Variants in PSMG4 observed in about 807,000 individuals in gnomAD.
PSMG4 encodes the protein proteasome (prosome, macropain) assembly chaperone 4.
Under a neutral mutation model 11.0 loss-of-function variants are expected in PSMG4, and 10 were observed. The observed-to-expected ratio is 0.91, with a 90% CI of 0.56 to 1.54. The LOEUF (loss-of-function observed/expected upper bound fraction) is 1.54, where lower values mean the gene tolerates loss of function less well. PSMG4 is among the 40% of genes most tolerant of loss of function. The pLI is 0.00. For missense variants in PSMG4, 198 were observed against 160.9 expected (o/e 1.23, Z -1.25); for synonymous variants, 95 against 71.3 (o/e 1.33, Z -1.68).
chr6:3,262,653 A>G (rs976988136), intron 1 of PSMG4, among the ~76,000 whole-genome samples: 1 of 152,170 alleles, frequency 6.6e-6, no homozygotes, highest in African/African-American at 2.4e-5. Flanking sequence ...TTGGGGTGGC[A>G]GGGGAACCAA....
intron 2 of PSMG4, chr6:3,264,485 A>G: frequency 7.5e-7 from 1 of 1,326,516 alleles, no homozygotes; most frequent in South Asian, 1.5e-5. Context: ...GGTACCTGAC[A>G]AGCAGGAACC....
chr6:3,260,127 G>C (rs950893576), intron 1 of PSMG4, among the ~76,000 whole-genome samples: 1 of 151,660 alleles, frequency 6.6e-6, no homozygotes, highest in South Asian at 2.1e-4. Context: ...TTGTAGAGAT[G>C]GGGGTCTCAC....
At chr6:3,261,264 C>T (rs1039617056) in intron 1 of PSMG4, among the ~76,000 whole-genome samples, 2 of 152,056 alleles carry the variant, frequency 1.3e-5, no homozygotes, top group African/African-American at 4.8e-5. Flanking sequence ...CTGGAGGGTC[C>T]TGGCAGTGGA....
chr6:3,254,443 G>GT (rs972939724), upstream of PSMG4, among the ~76,000 whole-genome samples: 6 of 72,858 alleles, frequency 8.2e-5, no homozygotes, highest in South Asian at 8.0e-4. Context: ...TGCTGTAATA[G>GT]TTTTCTGCTT....
In PSMG4 at chr6:3,267,981, C is replaced by CT. The variant is rs1194739305; in HGVS notation, c.*270dup. 6.8e-5 allele frequency: 21 copies of CT among 308,692 alleles called. No homozygotes were observed. The highest frequency in any genetic ancestry group is 3.4e-4 in the African/African-American group (16 of 47,410). 19.1% of individuals were successfully genotyped at this position (308,692 alleles called of 1,614,324 possible). ...TTTTGTTGGGATTGAAGACTGTAAT[C>CT]TAAGAGTTTCAATCAGACATGACTG... On this transcript the variant is annotated 3_prime_UTR_variant, in exon 3 of 3. Transcript: ENST00000438998.
chr6:3,261,543 A>T (rs1003848921), intron 1 of PSMG4, among the ~76,000 whole-genome samples: 1 of 152,134 alleles, frequency 6.6e-6, no homozygotes, highest in Admixed American at 6.5e-5. Flanking sequence ...ATATTTTCTC[A>T]TCTGGAAAGT....
chr6:3,254,826 A>G (rs898192653), upstream of PSMG4, among the ~76,000 whole-genome samples: 10 of 152,236 alleles, frequency 6.6e-5, no homozygotes, highest in Non-Finnish European at 2.9e-5. Flanking sequence ...TTCTGGACAC[A>G]GTGGGACCTT....
intron 2 of PSMG4, 70 bp from the exon 3 acceptor site, chr6:3,267,521 C>T (rs769598694): frequency 5.0e-5 from 76 of 1,517,268 alleles, no homozygotes; most frequent in Middle Eastern, 1.7e-4. Flanking sequence ...CCCAGCTGCA[C>T]GTGGCTGTGA....
intron 2 of PSMG4, chr6:3,265,489 G>A (rs1005487107): frequency 6.6e-6 from 1 of 152,234 alleles, no homozygotes. Context: ...CAGACACAGC[G>A]TTGTTCCTCA....
At chr6:3,256,317 G>T (rs1385539047), upstream of PSMG4, among the ~76,000 whole-genome samples, 1 of 152,318 alleles carries the variant, frequency 6.6e-6, no homozygotes, top group Non-Finnish European at 1.5e-5. Flanking sequence ...CCAGGGAAAT[G>T]ACCCCTGATG....
In PSMG4 at chr6:3,258,948, C is replaced by G. The variant is rs1048810227; in HGVS notation, c.-75C>G. 5 of 1,210,936 alleles carry G rather than the reference C, an allele frequency of 4.1e-6. No homozygotes were observed. The highest frequency in any genetic ancestry group is 4.1e-5 in the South Asian group (1 of 24,618). The allele number at this position is 1,210,936 out of a possible 1,614,324, so 75.0% of individuals were successfully genotyped here. A position where few individuals can be genotyped will look rare whatever the true frequency, so the allele number is the denominator to read the frequency against. On this transcript the variant is annotated 5_prime_UTR_variant, in exon 1 of 3. Transcript: ENST00000438998. ...AGCGCGCTCGGTCTCTCGGTGCTCG[C>G]TCCATCGGGTCTGGCGGGGCTGGCA...
chr6:3,254,943 C>G, upstream of PSMG4: 5 of 1,257,832 alleles, frequency 4.0e-6, no homozygotes, highest in Non-Finnish European at 5.4e-6. Context: ...CACTGGGTGT[C>G]AGCTGTTGGG....
chr6:3,255,235 C>G (rs766345397), upstream of PSMG4: 2 of 1,549,238 alleles, frequency 1.3e-6, no homozygotes, highest in African/African-American at 1.4e-5. Context: ...CTCTGGTAAG[C>G]CTTCCATGCT....
chr6:3,258,191 G>A (rs1044037600), upstream of PSMG4, among the ~76,000 whole-genome samples: 15 of 148,242 alleles, frequency 1.0e-4, no homozygotes, highest in South Asian at 1.3e-3. Flanking sequence ...TTGGATGATT[G>A]TTGGTGCTTC....
upstream of PSMG4, among the ~76,000 whole-genome samples, chr6:3,256,756 TC>T (rs1203561475): frequency 1.3e-5 from 2 of 152,250 alleles, no homozygotes; most frequent in African/African-American, 4.8e-5. Flanking sequence ...TGTGAGTTGT[TC>T]TGCACTGGGG....
At chr6:3,255,327 C>G (rs1437682061), upstream of PSMG4, 9 of 1,487,036 alleles carry the variant, frequency 6.1e-6, no homozygotes, top group Non-Finnish European at 7.2e-6. Flanking sequence ...CTAACGGCAA[C>G]TGGTGGAGTC....
At chr6:3,256,744 G>A (rs1011490221), upstream of PSMG4, among the ~76,000 whole-genome samples, 3 of 152,252 alleles carry the variant, frequency 2.0e-5, no homozygotes, top group African/African-American at 7.2e-5. Flanking sequence ...GCCCATCAGA[G>A]TTGTGAGTTG....
Position 3,259,181 on chromosome 6 carries a change from CA to C in PSMG4, c.160del (p.Met54CysfsTer30). 3 of 1,309,606 alleles carry C rather than the reference CA, an allele frequency of 2.3e-6. No homozygotes were observed. In the East Asian group the frequency reaches 9.3e-5, roughly 41 times the overall value. 81.1% of individuals were successfully genotyped at this position (1,309,606 alleles called of 1,614,324 possible). On this transcript the variant is annotated frameshift_variant, in exon 1 of 3. Transcript: ENST00000438998. LOFTEE classifies it high-confidence loss of function. ...TPHLRNLAVA[M>X]CSRYDSIPVS... ...CGCACCTGCGCAACCTCGCCGTGGC[CA>C]TGTGCAGCCGCTACGTGAGTGCCTG...
chr6:3,258,774 G>A, upstream of PSMG4: 2 of 358,376 alleles, frequency 5.6e-6, no homozygotes, highest in Non-Finnish European at 9.9e-6. Context: ...AGGTACTGGT[G>A]TGCGGGAGAG....
Sources: gnomAD v4.1 joint callset for allele counts (sites outside exome capture counted in the v4.1 genomes callset) on GRCh38, gnomAD v4.1.1 for gene constraint, MANE v1.5 for transcripts, NCBI Gene and HGNC (gene_info 2026-07-23, HGNC 2026-07-21) for gene names.